The following PRKN variants were observed in gnomAD, a reference collection of about 807,000 sequenced individuals.
PRKN encodes parkin RBR E3 ubiquitin protein ligase.
In PRKN, 56 loss-of-function variants were observed where a neutral mutation model predicts 59.5. The ratio of observed to expected loss-of-function variants is 0.94; its 90% CI spans 0.76 to 1.18. The LOEUF (loss-of-function observed/expected upper bound fraction) is 1.18, where lower values mean the gene tolerates loss of function less well. Ranked by LOEUF, PRKN falls within the 50% of genes most tolerant of loss-of-function variation. PRKN has a pLI of 0.00. For synonymous variants in PRKN, 250 were observed against 222.1 expected (o/e 1.13, Z -1.12); for missense variants, 657 against 596.4 (o/e 1.10, Z -1.06).
chr6:161,537,427 C>T (rs888748848), intron 9 of PRKN, among the ~76,000 whole-genome samples: 20 of 151,880 alleles, frequency 1.3e-4, no homozygotes, highest in Non-Finnish European at 2.6e-4. Flanking sequence ...AAGAACAATG[C>T]TTCAAGTTCT....
At chr6:162,468,519 C>T (rs1199054864) in intron 1 of PRKN, among the ~76,000 whole-genome samples, 2 of 152,196 alleles carry the variant, frequency 1.3e-5, no homozygotes, top group Non-Finnish European at 2.9e-5. Context: ...ATATAGGACA[C>T]ACACATTTCA....
chr6:161,349,124 G>T lies in PRKN; in HGVS notation c.*975C>A, dbSNP rs1483411619. On this transcript the variant is annotated 3_prime_UTR_variant, in exon 12 of 12. Coordinates refer to ENST00000366898, the MANE Select transcript of PRKN (RefSeq NM_004562.3). This position sits in a 1 kb window ranked among gnomAD's most constrained non-coding sequence, Gnocchi z 5.5. ...AGTTCTGGAAAGGCTCCTCTTTAAA[G>T]ATTCTGATTTAATAATGTTCACTTT... 3 of 221,652 alleles carry T rather than the reference G, an allele frequency of 1.4e-5. No homozygotes were observed. The highest frequency in any genetic ancestry group is 1.8e-5 in the Non-Finnish European group (2 of 110,836). 13.7% of individuals were successfully genotyped at this position (221,652 alleles called of 1,614,324 possible).
At chr6:161,937,495 T>G (rs1299405162) in intron 6 of PRKN, among the ~76,000 whole-genome samples, 1 of 152,236 alleles carries the variant, frequency 6.6e-6, no homozygotes, top group Non-Finnish European at 1.5e-5. Flanking sequence ...TGCTTTAAGG[T>G]ACAGACCACA....
At chr6:161,962,572 G>A (rs117938035) in intron 6 of PRKN, among the ~76,000 whole-genome samples, 11,885 of 144,310 alleles carry the variant, frequency 0.082, 558 homozygotes, top group Middle Eastern at 0.12. Flanking sequence ...ACGGAGTCTC[G>A]CTCTGTCATC....
intron 1 of PRKN, among the ~76,000 whole-genome samples, chr6:162,585,769 C>G (rs1017208324): frequency 6.6e-6 from 1 of 150,600 alleles, no homozygotes; most frequent in African/African-American, 2.4e-5. Flanking sequence ...ATGGTGTGAT[C>G]TCGGCTCACT....
chr6:162,548,336 C>T (rs1368494498), intron 1 of PRKN, among the ~76,000 whole-genome samples: 2 of 152,226 alleles, frequency 1.3e-5, no homozygotes, highest in East Asian at 3.9e-4. Context: ...AAATTACAGG[C>T]GTGAGCCACC....
At chr6:161,900,685 A>T (rs1777871879) in intron 6 of PRKN, among the ~76,000 whole-genome samples, 1 of 77,248 alleles carries the variant, frequency 1.3e-5, no homozygotes, top group Non-Finnish European at 2.5e-5. Flanking sequence ...TATATAATAT[A>T]TTATATATTA....
In PRKN at chr6:161,417,819, A is replaced by G. The variant is rs1787919402; in HGVS notation, c.1084-30942T>C. On this transcript the variant is annotated intron_variant, in intron 9 of 11. Coordinates refer to ENST00000366898, the MANE Select transcript of PRKN (RefSeq NM_004562.3). This position sits in a 1 kb window ranked among gnomAD's most constrained non-coding sequence, Gnocchi z 5.4. ...CAGCTTTTGTAAATCAACAGTGTCT[A>G]ATAATCCCCCAAGGACAGGGCCCTA... Among the ~76,000 whole-genome samples, 1 of 152,242 alleles carries G rather than the reference A, an allele frequency of 6.6e-6. No homozygotes were observed. Among genetic ancestry groups the G allele is most frequent in the African/African-American group, 2.4e-5 (1 of 41,462 alleles).
chr6:162,550,501 A>C (rs952520035), intron 1 of PRKN, among the ~76,000 whole-genome samples: 1 of 152,114 alleles, frequency 6.6e-6, no homozygotes, highest in Admixed American at 6.5e-5. Context: ...GGAGGAGCTG[A>C]AGTAAACACC....
At chr6:162,011,726 A>T (rs1291707309) in intron 5 of PRKN, among the ~76,000 whole-genome samples, 1 of 150,622 alleles carries the variant, frequency 6.6e-6, no homozygotes, top group East Asian at 1.9e-4. Flanking sequence ...TGGGCTAATG[A>T]CCTTTCTTCA....
chr6:161,604,046 G>A (rs1253802946), intron 7 of PRKN, among the ~76,000 whole-genome samples: 1 of 152,186 alleles, frequency 6.6e-6, no homozygotes, highest in African/African-American at 2.4e-5. Flanking sequence ...GTCTTGGACT[G>A]CCAAGCCTCC....
intron 4 of PRKN, among the ~76,000 whole-genome samples, chr6:162,196,205 T>G (rs1339839658): frequency 6.6e-6 from 1 of 152,120 alleles, no homozygotes; most frequent in Non-Finnish European, 1.5e-5. Flanking sequence ...GGAGGAGGCT[T>G]GGTTTTCAAA....
chr6:161,669,601 T>TA (rs1483593011), intron 7 of PRKN, among the ~76,000 whole-genome samples: 1 of 152,258 alleles, frequency 6.6e-6, no homozygotes, highest in East Asian at 1.9e-4. Context: ...TAACCTGTCT[T>TA]ACCACACAGA....
At chr6:161,842,573 T>C (rs1211967484) in intron 6 of PRKN, among the ~76,000 whole-genome samples, 1 of 152,096 alleles carries the variant, frequency 6.6e-6, no homozygotes, top group Non-Finnish European at 1.5e-5. Flanking sequence ...TTTTTTCTTT[T>C]TCTTTTTTTG....
At chr6:162,472,269 T>C (rs187971071) in intron 1 of PRKN, among the ~76,000 whole-genome samples, 1 of 151,880 alleles carries the variant, frequency 6.6e-6, no homozygotes, top group African/African-American at 2.4e-5. Context: ...GTTTGTTACA[T>C]ATGTATACAT....
chr6:162,337,927 A>G (rs1324844102), intron 2 of PRKN, among the ~76,000 whole-genome samples: 3 of 152,126 alleles, frequency 2.0e-5, no homozygotes, highest in African/African-American at 4.8e-5. Context: ...AAAATACATT[A>G]TTAATGTTAC....
At chr6:161,969,561 A>G (rs1040843091) in intron 6 of PRKN, among the ~76,000 whole-genome samples, 2 of 152,088 alleles carry the variant, frequency 1.3e-5, no homozygotes, top group Non-Finnish European at 2.9e-5. Flanking sequence ...GGGCGTTGGC[A>G]TAACAGGCCT....
Position 162,361,559 on chromosome 6 carries a change from A to C in PRKN, c.171+81751T>G, listed in dbSNP as rs938197636. 9.2e-5 allele frequency among the ~76,000 whole-genome samples: 14 copies of C among 152,286 alleles called. No individual in the cohort carries two copies. In the South Asian group the frequency reaches 1.2e-3, roughly 14 times the overall value. On this transcript the variant is annotated intron_variant, in intron 2 of 11. Coordinates refer to ENST00000366898, the MANE Select transcript of PRKN (RefSeq NM_004562.3). ...ACTAAACATGTGCGTTTAAGTGCCC[A>C]GTCTATGAGACTTTCTTTTATAGTA...
At chr6:162,085,456 G>T (rs1188794960) in intron 4 of PRKN, among the ~76,000 whole-genome samples, 4 of 151,914 alleles carry the variant, frequency 2.6e-5, no homozygotes, top group African/African-American at 9.7e-5. Flanking sequence ...GTTAAACTTT[G>T]TATTAAATGT....
Sources: allele counts gnomAD v4.1 joint callset (sites outside exome capture counted in the v4.1 genomes callset), GRCh38; gene constraint gnomAD v4.1.1; non-coding constraint Gnocchi (gnomAD v3.1); transcripts MANE v1.5; gene names NCBI Gene and HGNC (gene_info 2026-07-23, HGNC 2026-07-21).